Variants in KCTD2 observed in about 807,000 individuals in gnomAD.
KCTD2 encodes BTB/POZ domain-containing protein KCTD2.
KCTD2 carries 18 observed loss-of-function variants against 27.9 expected under a neutral mutation model. The observed-to-expected ratio is 0.64, with a 90% confidence interval of 0.45 to 0.96. The LOEUF (loss-of-function observed/expected upper bound fraction) is 0.96. Among genes scored for constraint, KCTD2 ranks in the 40% least tolerant of loss-of-function variants. The probability of loss-of-function intolerance (pLI) is 0.00; values close to 1 mark genes in which losing one functional copy is unlikely to be tolerated. For missense variants in KCTD2, 280 were observed against 348.0 expected (o/e 0.80, Z 1.56); for synonymous variants, 175 against 148.4 (o/e 1.18, Z -1.30).
intron 3 of KCTD2, among the ~76,000 whole-genome samples, chr17:75,038,656 C>T (rs1474236860): frequency 1.3e-5 from 2 of 152,162 alleles, no homozygotes; most frequent in East Asian, 1.9e-4. Flanking sequence ...CAGTGAAATA[C>T]ACTGCCATAG....
At chr17:75,045,557 A>G (rs2073206110), upstream of KCTD2, among the ~76,000 whole-genome samples, 1 of 152,238 alleles carries the variant, frequency 6.6e-6, no homozygotes, top group Admixed American at 6.5e-5. Context: ...TCTCAGGGAT[A>G]TCCCATGCTG....
chr17:75,059,742 C>A, intron 4 of KCTD2, 137 bp downstream of exon 4: 1 of 642,388 alleles, frequency 1.6e-6, no homozygotes, highest in Non-Finnish European at 2.7e-6. Context: ...AAAACATGGG[C>A]AAAGAGCCAT....
chr17:75,039,037 TGGAA>T, intron 3 of KCTD2: 1 of 1,614,092 alleles, frequency 6.2e-7, no homozygotes, highest in Non-Finnish European at 8.5e-7. Flanking sequence ...TCTGATCAAA[TGGAA>T]TTAAGTTCTT....
chr17:75,047,700 G>C, intron 1 of KCTD2, 111 bp downstream of exon 1: 1 of 1,079,280 alleles, frequency 9.3e-7, no homozygotes, highest in Admixed American at 2.5e-5. Flanking sequence ...CTCAGGCCGG[G>C]ACCCCATCCT....
At chr17:75,061,272 C>CG (rs2073401770) in intron 4 of KCTD2, among the ~76,000 whole-genome samples, 1 of 152,188 alleles carries the variant, frequency 6.6e-6, no homozygotes, top group South Asian at 2.1e-4. Flanking sequence ...GATGCCCTCA[C>CG]CCTCTGCCTG....
At chr17:75,038,990 G>A (rs2073129448) in intron 3 of KCTD2, 1 of 1,614,102 alleles carries the variant, frequency 6.2e-7, no homozygotes, top group Non-Finnish European at 8.5e-7. Flanking sequence ...GTCTAATTTG[G>A]TTTCTGGGAA....
chr17:75,036,805 T>A (rs1327073858), intron 3 of KCTD2, among the ~76,000 whole-genome samples: 3 of 152,312 alleles, frequency 2.0e-5, no homozygotes, highest in African/African-American at 7.2e-5. Context: ...GGGAAGGGTG[T>A]GGTACTTCTG....
At position 75,051,277 on chromosome 17, in the gene KCTD2, C is replaced by CTTT. The variant is rs35794705; in HGVS notation, c.449-1715_449-1713dup. On this transcript the variant is annotated intron_variant, in intron 2 of 5. Transcript: ENST00000322444. Reference sequence around the variant, plus strand: ...ACAGACATGAGCCACCGCGCCCGACCTTTTTTTTTTTTTTTTTTTTTTTTG... The same window carrying CTTT: ...ACAGACATGAGCCACCGCGCCCGACCTTTTTTTTTTTTTTTTTTTTTTTTTTTG... 6.8e-4 allele frequency among the ~76,000 whole-genome samples: 44 copies of CTTT among 64,622 alleles called. 1 individual carries two copies. Among genetic ancestry groups the CTTT allele is most frequent in the Non-Finnish European group, 7.5e-4 (27 of 35,790 alleles). 42.4% of individuals were successfully genotyped at this position (64,622 alleles called of 152,430 possible).
At position 75,053,310 on chromosome 17, in the gene KCTD2, A is replaced by T. The variant is rs534589901; in HGVS notation, c.540+205A>T. Among the ~76,000 whole-genome samples, 10 of 152,238 alleles carry T rather than the reference A, an allele frequency of 6.6e-5. No individual in the cohort carries two copies. The South Asian group carries it at 2.1e-3, about 32-fold the overall frequency. Reference sequence around the variant, plus strand: ...ACAGAATAGGCCTATGTCCCAATAGAATGAGAAGATTGTCGCTGCTTACCA... The same window carrying T: ...ACAGAATAGGCCTATGTCCCAATAGTATGAGAAGATTGTCGCTGCTTACCA... On this transcript the variant is annotated intron_variant, in intron 3 of 5. Coordinates refer to ENST00000322444, the MANE Select transcript of KCTD2 (RefSeq NM_015353.3).
At chr17:75,058,815 A>T (rs938480443) in intron 3 of KCTD2, among the ~76,000 whole-genome samples, 2 of 145,688 alleles carry the variant, frequency 1.4e-5, no homozygotes, top group Non-Finnish European at 3.0e-5. Flanking sequence ...AATAATAAAT[A>T]GGCCGGGCGC....
chr17:75,062,566 TTTA>T (rs1383954296), intron 5 of KCTD2, among the ~76,000 whole-genome samples: 1 of 151,594 alleles, frequency 6.6e-6, no homozygotes, highest in African/African-American at 2.4e-5. Flanking sequence ...GGTATTTTGA[TTTA>T]TTCTTTAAAA....
At chr17:75,049,133 G>A (rs892569788) in intron 1 of KCTD2, 87 bp from the exon 2 acceptor site, 37 of 741,666 alleles carry the variant, frequency 5.0e-5, no homozygotes, top group African/African-American at 1.7e-4. Flanking sequence ...GTCTTGGGGC[G>A]CTGACAAAGA....
chr17:75,048,466 C>T (rs1271557801), intron 1 of KCTD2, among the ~76,000 whole-genome samples: 1 of 152,150 alleles, frequency 6.6e-6, no homozygotes, highest in African/African-American at 2.4e-5. Flanking sequence ...TTGTTGTTTT[C>T]GTTTATTCCT....
chr17:75,062,970 T>C, intron 5 of KCTD2, 48 bp from the exon 6 acceptor site: 2 of 1,602,218 alleles, frequency 1.2e-6, no homozygotes, highest in Non-Finnish European at 1.7e-6. Context: ...CCGACATCTC[T>C]GTCTTTCCCT....
At chr17:75,061,416 G>A (rs1181264053) in intron 4 of KCTD2, among the ~76,000 whole-genome samples, 1 of 152,204 alleles carries the variant, frequency 6.6e-6, no homozygotes, top group Non-Finnish European at 1.5e-5. Flanking sequence ...AGGCCACGGT[G>A]GGAGGATTGC....
intron 1 of KCTD2, 191 bp from the exon 2 acceptor site, chr17:75,049,029 A>C: frequency 2.0e-6 from 1 of 501,236 alleles, no homozygotes; most frequent in South Asian, 3.4e-5. Context: ...TACAAGATAC[A>C]TAAAGCTATA....
At chr17:75,055,299 C>T (rs550493385) in intron 3 of KCTD2, among the ~76,000 whole-genome samples, 21 of 152,158 alleles carry the variant, frequency 1.4e-4, no homozygotes, top group Admixed American at 1.1e-3. Flanking sequence ...AAGTGATCCA[C>T]TTGCCTCAGC....
At chr17:75,051,579 C>T (rs2073287419) in intron 2 of KCTD2, among the ~76,000 whole-genome samples, 1 of 149,650 alleles carries the variant, frequency 6.7e-6, no homozygotes. Flanking sequence ...CCACCATGCC[C>T]GACCTTTTTT....
At chr17:75,034,492 G>C (rs917095373) in intron 2 of KCTD2, among the ~76,000 whole-genome samples, 1 of 152,168 alleles carries the variant, frequency 6.6e-6, no homozygotes, top group African/African-American at 2.4e-5. Flanking sequence ...TTATCCATTA[G>C]GCCACTGGGG....
Sources: allele counts gnomAD v4.1 joint callset (sites outside exome capture counted in the v4.1 genomes callset), GRCh38; gene constraint gnomAD v4.1.1; transcripts MANE v1.5; gene names NCBI Gene and HGNC (gene_info 2026-07-23, HGNC 2026-07-21).